The following FGF12 variants were observed in gnomAD, a reference collection of about 807,000 sequenced individuals.
FGF12 encodes fibroblast growth factor 12, also known as fibroblast growth factor 12B.
In FGF12, 14 loss-of-function variants were observed where a neutral mutation model predicts 23.6. That is an observed-to-expected ratio of 0.59 (90% CI 0.39 to 0.93). The LOEUF is 0.93. FGF12 is among the 40% of genes least tolerant of loss of function. The probability of loss-of-function intolerance (pLI) is 0.00; values close to 1 mark genes in which losing one functional copy is unlikely to be tolerated. For missense variants in FGF12, 175 were observed against 217.8 expected (o/e 0.80, Z 1.24); for synonymous variants, 62 against 77.3 (o/e 0.80, Z 1.04).
At chr3:192,310,020 C>A (rs1263431909) in intron 4 of FGF12, among the ~76,000 whole-genome samples, 1 of 152,092 alleles carries the variant, frequency 6.6e-6, no homozygotes, top group Non-Finnish European at 1.5e-5. Flanking sequence ...AATTATCGAG[C>A]ATGAAATCTC....
chr3:192,722,870 T>C (rs1719083384), intron 2 of FGF12, among the ~76,000 whole-genome samples: 2 of 152,194 alleles, frequency 1.3e-5, no homozygotes. Context: ...TAGTTTTCTT[T>C]CACATTCTCA....
intron 2 of FGF12, among the ~76,000 whole-genome samples, chr3:192,519,496 C>A (rs1724761671): frequency 6.6e-6 from 1 of 151,996 alleles, no homozygotes; most frequent in Non-Finnish European, 1.5e-5. Context: ...CCTTGATTGC[C>A]TGGTTAAAGT....
chr3:192,264,622 C>T (rs1175837758), intron 4 of FGF12, among the ~76,000 whole-genome samples: 1 of 152,066 alleles, frequency 6.6e-6, no homozygotes, highest in Non-Finnish European at 1.5e-5. Flanking sequence ...GAAGAGGAAA[C>T]TGATGTACAG....
chr3:192,204,910 G>T (rs1010710187), intron 4 of FGF12, among the ~76,000 whole-genome samples: 4 of 151,802 alleles, frequency 2.6e-5, no homozygotes, highest in Non-Finnish European at 5.9e-5. Context: ...AAAAAAGAAA[G>T]TAAGAAAGAA....
chr3:192,633,222 T>A (rs1193872602), intron 2 of FGF12, among the ~76,000 whole-genome samples: 2 of 152,016 alleles, frequency 1.3e-5, no homozygotes, highest in Non-Finnish European at 2.9e-5. Context: ...GTTTTTGTAT[T>A]TTTAGTAGAG....
At chr3:192,346,268 T>C (rs1717954583) in intron 3 of FGF12, among the ~76,000 whole-genome samples, 1 of 152,190 alleles carries the variant, frequency 6.6e-6, no homozygotes, top group African/African-American at 2.4e-5. Context: ...TATGGCCCCA[T>C]GATACTTCCA....
intron 4 of FGF12, among the ~76,000 whole-genome samples, chr3:192,276,976 TG>T (rs1221664381): frequency 6.6e-6 from 1 of 152,232 alleles, no homozygotes; most frequent in African/African-American, 2.4e-5. Context: ...TACAGGATAC[TG>T]TCCATACTTT....
At chr3:192,579,233 C>G (rs812447) in intron 2 of FGF12, among the ~76,000 whole-genome samples, 34,437 of 151,998 alleles carry the variant, frequency 0.23, 4,688 homozygotes, top group East Asian at 0.34. Context: ...TGGTAATAAG[C>G]CTGTTTCCAA....
intron 2 of FGF12, among the ~76,000 whole-genome samples, chr3:192,421,832 A>T (rs889162870): frequency 3.3e-5 from 5 of 151,532 alleles, no homozygotes; most frequent in African/African-American, 4.9e-5. Flanking sequence ...AAAAAAAAAG[A>T]GTAAATGACT....
At chr3:192,618,184 T>A (rs998654461) in intron 2 of FGF12, among the ~76,000 whole-genome samples, 1 of 151,920 alleles carries the variant, frequency 6.6e-6, no homozygotes, top group African/African-American at 2.4e-5. Context: ...TTTTCTGATT[T>A]TATAATGGAA....
chr3:192,636,985 A>T (rs1317524545), intron 2 of FGF12, among the ~76,000 whole-genome samples: 2 of 152,222 alleles, frequency 1.3e-5, no homozygotes. Flanking sequence ...ATGGGCCTGC[A>T]CAGAATTACC....
chr3:192,261,841 G>A (rs574390154), intron 4 of FGF12, among the ~76,000 whole-genome samples: 2 of 152,206 alleles, frequency 1.3e-5, no homozygotes, highest in South Asian at 2.1e-4. Context: ...TGAATTGTTC[G>A]TGCTTTATGG....
At chr3:192,171,778 TTATTAATGAATATAGGAA>T (rs1715575829) in intron 4 of FGF12, among the ~76,000 whole-genome samples, 1 of 152,198 alleles carries the variant, frequency 6.6e-6, no homozygotes, top group Admixed American at 6.5e-5. Flanking sequence ...TGGAATTAAG[TTATTAATGAATATAGGAA>T]TATTAATGAA....
At chr3:192,572,030 A>G (rs77356433) in intron 2 of FGF12, among the ~76,000 whole-genome samples, 2,682 of 151,986 alleles carry the variant, frequency 0.018, 80 homozygotes, top group African/African-American at 0.062. Flanking sequence ...CCTAGTATAC[A>G]ATGGACAATT....
chr3:192,165,823 G>A (rs1017655340), intron 5 of FGF12, among the ~76,000 whole-genome samples: 5 of 152,120 alleles, frequency 3.3e-5, no homozygotes, highest in Non-Finnish European at 5.9e-5. Flanking sequence ...TAGTACAGAG[G>A]TTACGTGACA....
chr3:192,354,989 C>T (rs11918875), intron 3 of FGF12, among the ~76,000 whole-genome samples: 33,118 of 152,138 alleles, frequency 0.22, 4,986 homozygotes, highest in East Asian at 0.52. Flanking sequence ...GGATTACAGG[C>T]GTCAGCCACT....
intron 2 of FGF12, among the ~76,000 whole-genome samples, chr3:192,582,722 T>G (rs922939447): frequency 6.6e-6 from 1 of 152,102 alleles, no homozygotes; most frequent in Non-Finnish European, 1.5e-5. Flanking sequence ...ACTGTCATTA[T>G]GAACATAGAT....
At chr3:192,632,136 G>C (rs1031485163) in intron 2 of FGF12, among the ~76,000 whole-genome samples, 5 of 152,076 alleles carry the variant, frequency 3.3e-5, no homozygotes, top group Non-Finnish European at 7.4e-5. Flanking sequence ...TTACACTTAC[G>C]ATGTGGTACA....
At chr3:192,317,144 G>A (rs1560066810) in intron 4 of FGF12, among the ~76,000 whole-genome samples, 1 of 151,686 alleles carries the variant, frequency 6.6e-6, no homozygotes, top group Non-Finnish European at 1.5e-5. Flanking sequence ...GGGTGTCCCA[G>A]CATATTCCCA....
Sources: gnomAD v4.1 joint callset for allele counts (sites outside exome capture counted in the v4.1 genomes callset) on GRCh38, gnomAD v4.1.1 for gene constraint, MANE v1.5 for transcripts, NCBI Gene and HGNC (gene_info 2026-07-23, HGNC 2026-07-21) for gene names.